Variants in TNR observed in about 807,000 individuals in gnomAD.
TNR encodes the protein tenascin R, also known as tenascin-R.
Under a neutral mutation model 150.4 loss-of-function variants are expected in TNR, and 45 were observed. The ratio of observed to expected loss-of-function variants is 0.30; its 90% confidence interval spans 0.24 to 0.38. The LOEUF (loss-of-function observed/expected upper bound fraction) is 0.38, where lower values mean the gene tolerates loss of function less well. Among genes scored for constraint, TNR ranks in the 10% least tolerant of loss-of-function variants. TNR has a pLI of 1.00. For synonymous variants in TNR, 687 were observed against 678.4 expected, an observed-to-expected ratio of 1.01 and a Z score of -0.20; for missense variants, 1,544 against 1,759.1, an observed-to-expected ratio of 0.88 and a Z score of 2.19.
intron 2 of TNR, among the ~76,000 whole-genome samples, chr1:175,460,777 G>A (rs1430392997): frequency 1.3e-5 from 2 of 152,210 alleles, no homozygotes; most frequent in Non-Finnish European, 2.9e-5. Flanking sequence ...TCTAAGGCCA[G>A]TGCTTTACTA....
At chr1:175,673,515 T>C (rs1354418539) in intron 1 of TNR, among the ~76,000 whole-genome samples, 1 of 152,250 alleles carries the variant, frequency 6.6e-6, no homozygotes, top group Non-Finnish European at 1.5e-5. Context: ...TGTAGGGTGC[T>C]GGAAGAATAA....
At chr1:175,669,888 G>T (rs2101902185) in intron 1 of TNR, among the ~76,000 whole-genome samples, 1 of 152,290 alleles carries the variant, frequency 6.6e-6, no homozygotes, top group Non-Finnish European at 1.5e-5. Flanking sequence ...CAGGAACAGG[G>T]ACTCTCTCTG....
At position 175,423,380 on chromosome 1, in the gene TNR, G is replaced by T. The variant is rs139048622; in HGVS notation, c.-63-16603C>A. Among the ~76,000 whole-genome samples, 609 of 152,192 alleles carry T rather than the reference G, an allele frequency of 4.0e-3. 1 individual carries two copies. The highest frequency in any genetic ancestry group is 6.6e-3 in the Non-Finnish European group (446 of 68,006). ...TAATTGTTGAACTGAGCAGAATTGA[G>T]GATGCTTGGGTGACTCTGAGTGACA... On this transcript the variant is annotated intron_variant, in intron 2 of 22. Transcript: ENST00000367674.
At chr1:175,345,484 A>G (rs992905891) in intron 18 of TNR, among the ~76,000 whole-genome samples, 58 of 152,216 alleles carry the variant, frequency 3.8e-4, no homozygotes, top group Non-Finnish European at 2.9e-5. Context: ...GTAAATTAAC[A>G]ATATAAAAAA....
rs569634868 is a variant in TNR, at chr1:175,525,531, T to C, written c.-64+2738A>G. ...ATAGTTTAAATGGATTACAAGTAATTTCCTCCTGAAACCCCTCAAGAGTTC... is the reference window on the plus strand; with the variant it reads ...ATAGTTTAAATGGATTACAAGTAATCTCCTCCTGAAACCCCTCAAGAGTTC... On this transcript the variant is annotated intron_variant, in intron 2 of 22. Coordinates refer to ENST00000367674, the MANE Select transcript of TNR (RefSeq NM_003285.3). Among the ~76,000 whole-genome samples the C allele has an allele frequency of 2.6e-5, 4 of 152,326 alleles. No individual in the cohort carries two copies. In the South Asian group the frequency reaches 8.3e-4, roughly 32 times the overall value.
intron 2 of TNR, among the ~76,000 whole-genome samples, chr1:175,500,932 G>C (rs992018945): frequency 5.3e-5 from 8 of 152,190 alleles, no homozygotes; most frequent in Non-Finnish European, 1.2e-4. Flanking sequence ...AATGGCAATG[G>C]GCTTGTGCTC....
chr1:175,616,538 C>A (rs933660143), intron 1 of TNR, among the ~76,000 whole-genome samples: 1 of 152,130 alleles, frequency 6.6e-6, no homozygotes, highest in Non-Finnish European at 1.5e-5. Flanking sequence ...AGGATGGGGG[C>A]AGAGGAAACA....
At chr1:175,450,943 A>G (rs1295133304) in intron 2 of TNR, among the ~76,000 whole-genome samples, 2 of 152,140 alleles carry the variant, frequency 1.3e-5, no homozygotes, top group Non-Finnish European at 2.9e-5. Flanking sequence ...TTTTTCTCAC[A>G]CAGATAAATT....
chr1:175,372,491 T>G (rs1398431208), intron 9 of TNR, among the ~76,000 whole-genome samples: 2 of 152,176 alleles, frequency 1.3e-5, no homozygotes, highest in Non-Finnish European at 2.9e-5. Flanking sequence ...AATATGGAAT[T>G]CTCTAGTGGC....
At chr1:175,740,360 C>A (rs1223289363) in intron 1 of TNR, among the ~76,000 whole-genome samples, 1 of 152,064 alleles carries the variant, frequency 6.6e-6, no homozygotes, top group South Asian at 2.1e-4. Context: ...TACAAGTGTA[C>A]ACAATTGTCA....
intron 2 of TNR, among the ~76,000 whole-genome samples, chr1:175,417,011 A>AAAAAGAAAGAAAGAAAGAAAGAAAG (rs1553218222): frequency 1.1e-5 from 1 of 90,902 alleles, no homozygotes; most frequent in African/African-American, 4.6e-5. Flanking sequence ...CCATCTCAAA[A>AAAAAGAAAGAAAGAAAGAAAGAAAG]AAAGAAAGAA....
At chr1:175,407,381 A>G (rs1654014356) in intron 2 of TNR, among the ~76,000 whole-genome samples, 1 of 152,160 alleles carries the variant, frequency 6.6e-6, no homozygotes, top group Admixed American at 6.5e-5. Flanking sequence ...ACTTTCTTTT[A>G]ATCTTCTTGT....
chr1:175,457,745 A>G (rs1211280119), intron 2 of TNR, among the ~76,000 whole-genome samples: 2 of 152,258 alleles, frequency 1.3e-5, no homozygotes, highest in African/African-American at 4.8e-5. Context: ...ACATCTAACA[A>G]TATTACATTC....
At chr1:175,635,645 A>G (rs1664469701) in intron 1 of TNR, among the ~76,000 whole-genome samples, 1 of 152,182 alleles carries the variant, frequency 6.6e-6, no homozygotes, top group South Asian at 2.1e-4. Flanking sequence ...AATTGACTCT[A>G]TAGAGACTGA....
intron 1 of TNR, among the ~76,000 whole-genome samples, chr1:175,724,863 C>T (rs527341925): frequency 8.6e-5 from 13 of 151,554 alleles, no homozygotes; most frequent in African/African-American, 1.7e-4. Context: ...GAAGATGTGG[C>T]GAAATGGCCT....
intron 1 of TNR, among the ~76,000 whole-genome samples, chr1:175,656,241 A>G (rs967162001): frequency 3.4e-5 from 5 of 149,246 alleles, no homozygotes; most frequent in African/African-American, 7.4e-5. Context: ...CAGTTTGCCA[A>G]TCTCTATGCC....
At chr1:175,663,126 G>A (rs1301952379) in intron 1 of TNR, among the ~76,000 whole-genome samples, 1 of 152,144 alleles carries the variant, frequency 6.6e-6, no homozygotes, top group Non-Finnish European at 1.5e-5. Flanking sequence ...GGGCCTTACT[G>A]TCAAGGAACC....
At chr1:175,623,103 G>T (rs1237967341) in intron 1 of TNR, among the ~76,000 whole-genome samples, 1 of 152,148 alleles carries the variant, frequency 6.6e-6, no homozygotes, top group Non-Finnish European at 1.5e-5. Flanking sequence ...CTATAACAGT[G>T]CTCTTCAACT....
chr1:175,473,783 T>C (rs927365223), intron 2 of TNR, among the ~76,000 whole-genome samples: 3 of 152,228 alleles, frequency 2.0e-5, no homozygotes, highest in African/African-American at 7.2e-5. Context: ...GTGCACTCTT[T>C]AATGTACAAT....
Sources: allele counts gnomAD v4.1 joint callset (sites outside exome capture counted in the v4.1 genomes callset), GRCh38; gene constraint gnomAD v4.1.1; transcripts MANE v1.5; gene names NCBI Gene and HGNC (gene_info 2026-07-23, HGNC 2026-07-21).